The following PHACTR3 variants were observed in gnomAD, a reference collection of about 807,000 sequenced individuals.
The protein encoded by PHACTR3 is phosphatase and actin regulator 3.
PHACTR3 carries 16 observed loss-of-function variants against 66.8 expected under a neutral mutation model. The observed-to-expected ratio is 0.24, with a 90% CI of 0.16 to 0.36. The LOEUF (loss-of-function observed/expected upper bound fraction) is 0.36. Among genes scored for constraint, PHACTR3 ranks in the 10% least tolerant of loss-of-function variants. The probability of loss-of-function intolerance (pLI) is 1.00; values close to 1 mark genes in which losing one functional copy is unlikely to be tolerated. For synonymous variants in PHACTR3, 323 were observed against 292.1 expected (o/e 1.11, Z -1.08); for missense variants, 647 against 719.9 (o/e 0.90, Z 1.16).
At chr20:59,805,023 C>T (rs759908879) in intron 7 of PHACTR3, among the ~76,000 whole-genome samples, 1 of 152,184 alleles carries the variant, frequency 6.6e-6, no homozygotes, top group Admixed American at 6.5e-5. Flanking sequence ...CAACCTACAT[C>T]GCATGTAGAT....
At chr20:59,651,419 A>G (rs1262106003) in intron 1 of PHACTR3, among the ~76,000 whole-genome samples, 1 of 152,216 alleles carries the variant, frequency 6.6e-6, no homozygotes, top group African/African-American at 2.4e-5. Flanking sequence ...AAAATAGAAC[A>G]TTTAAAAATT....
intron 7 of PHACTR3, among the ~76,000 whole-genome samples, chr20:59,802,432 G>C (rs1176096335): frequency 6.6e-6 from 1 of 152,228 alleles, no homozygotes; most frequent in East Asian, 1.9e-4. Flanking sequence ...AGACCTGCAA[G>C]GAGAGAGAAG....
intron 1 of PHACTR3, among the ~76,000 whole-genome samples, chr20:59,739,568 C>T (rs767084749): frequency 7.9e-5 from 12 of 152,098 alleles, no homozygotes; most frequent in Admixed American, 1.3e-4. Context: ...AGGAGCCTCC[C>T]TTATAAAACC....
At chr20:59,752,593 A>AGTCCTTGCAGAAAACCTGCAAG (rs71183183) in intron 3 of PHACTR3, among the ~76,000 whole-genome samples, 2 of 152,164 alleles carry the variant, frequency 1.3e-5, no homozygotes, top group African/African-American at 2.4e-5. Flanking sequence ...ACCTGCAAGA[A>AGTCCTTGCAGAAAACCTGCAAG]AGCAGGGGAA....
At chr20:59,659,716 A>G (rs779036048) in intron 1 of PHACTR3, among the ~76,000 whole-genome samples, 15 of 152,116 alleles carry the variant, frequency 9.9e-5, no homozygotes, top group South Asian at 4.1e-4. Flanking sequence ...ATGTATTACC[A>G]GCTTCGAGTG....
chr20:59,657,459 T>C, intron 1 of PHACTR3, among the ~76,000 whole-genome samples: 1 of 152,096 alleles, frequency 6.6e-6, no homozygotes, highest in South Asian at 2.1e-4. Flanking sequence ...CCTCAAAACT[T>C]TCCTAGCTTT....
chr20:59,841,665 G>C (rs2059064277), intron 11 of PHACTR3, 130 bp downstream of exon 11: 1 of 949,600 alleles, frequency 1.1e-6, no homozygotes, highest in Non-Finnish European at 1.5e-6. Flanking sequence ...GTAAATATTG[G>C]TTTCTCAAAG....
intron 1 of PHACTR3, chr20:59,626,909 T>C (rs1388391423): frequency 6.6e-6 from 1 of 152,228 alleles, no homozygotes; most frequent in East Asian, 1.9e-4. Context: ...GAGCGCTGTA[T>C]TGGAGCAGGT....
Position 59,604,929 on chromosome 20 carries a change from C to T in PHACTR3, c.-86C>T. 1 of 1,219,542 alleles carries T rather than the reference C, an allele frequency of 8.2e-7. No individual in the cohort carries two copies. Among genetic ancestry groups the T allele is most frequent in the Middle Eastern group, 2.6e-4 (1 of 3,882 alleles). 75.5% of individuals were successfully genotyped at this position (1,219,542 alleles called of 1,614,324 possible). A position where few individuals can be genotyped will look rare whatever the true frequency, so the allele number is the denominator to read the frequency against. Reference sequence around the variant, plus strand: ...TTCTTTTTTAAAAAGACGCCCCCTCCAGCCCCCTCGCCGGTGACCTTGGCC... The same window carrying T: ...TTCTTTTTTAAAAAGACGCCCCCTCTAGCCCCCTCGCCGGTGACCTTGGCC... On this transcript the variant is annotated 5_prime_UTR_variant, in exon 1 of 13. Coordinates refer to ENST00000371015, the MANE Select transcript of PHACTR3 (RefSeq NM_080672.5).
intron 1 of PHACTR3, among the ~76,000 whole-genome samples, chr20:59,635,190 CTTTCTCTTTCT>C (rs2034842823): frequency 2.6e-5 from 1 of 38,974 alleles, no homozygotes; most frequent in Non-Finnish European, 5.2e-5. Flanking sequence ...TTCTTTCTTT[CTTTCTCTTTCT>C]TTCTTTCCTT....
At chr20:59,741,171 C>T (rs2039147306) in intron 1 of PHACTR3, among the ~76,000 whole-genome samples, 1 of 152,252 alleles carries the variant, frequency 6.6e-6, no homozygotes, top group South Asian at 2.1e-4. Flanking sequence ...GTCCATGCTT[C>T]CTGGGGCTCT....
chr20:59,669,043 C>T (rs1093266), intron 1 of PHACTR3, among the ~76,000 whole-genome samples: 21,719 of 152,014 alleles, frequency 0.14, 1,836 homozygotes, highest in East Asian at 0.25. Flanking sequence ...CCACTGCGCC[C>T]GGCCCAAAGC....
At chr20:59,729,456 C>T (rs2038688312) in intron 1 of PHACTR3, among the ~76,000 whole-genome samples, 1 of 152,146 alleles carries the variant, frequency 6.6e-6, no homozygotes, top group African/African-American at 2.4e-5. Context: ...TGGCCCAGAT[C>T]ACTCACTGGA....
At chr20:59,609,275 G>A (rs1170782748) in intron 1 of PHACTR3, among the ~76,000 whole-genome samples, 2 of 152,270 alleles carry the variant, frequency 1.3e-5, no homozygotes. Flanking sequence ...TCCCATGCTG[G>A]CCCCTTCCTC....
chr20:59,845,151 A>T, intron 11 of PHACTR3, 38 bp from the exon 12 acceptor site: 1 of 1,288,982 alleles, frequency 7.8e-7, no homozygotes, highest in Non-Finnish European at 1.1e-6. Flanking sequence ...TGATTTTTTT[A>T]ATATCCTGTA....
At chr20:59,725,184 C>A (rs542805752) in intron 1 of PHACTR3, among the ~76,000 whole-genome samples, 1 of 151,530 alleles carries the variant, frequency 6.6e-6, no homozygotes, top group South Asian at 2.1e-4. Flanking sequence ...AGGCTGTGAA[C>A]CCAGGTGTGC....
intron 1 of PHACTR3, among the ~76,000 whole-genome samples, chr20:59,634,394 GAAAA>G (rs1172810112): frequency 6.6e-6 from 1 of 152,174 alleles, no homozygotes; most frequent in Non-Finnish European, 1.5e-5. Flanking sequence ...GATTCAATGA[GAAAA>G]TGCAGGTAAA....
intron 1 of PHACTR3, among the ~76,000 whole-genome samples, chr20:59,726,033 T>C (rs2038549574): frequency 6.6e-6 from 1 of 152,196 alleles, no homozygotes; most frequent in Non-Finnish European, 1.5e-5. Context: ...TACCATGTGC[T>C]CCAGCACGAG....
In PHACTR3 at chr20:59,719,452, C is replaced by T. The variant is rs1178631366; in HGVS notation, c.119-23655C>T. Among the ~76,000 whole-genome samples the T allele has an allele frequency of 9.2e-5, 14 of 152,312 alleles. No individual in the cohort carries two copies. In the South Asian group the frequency reaches 1.0e-3, roughly 11 times the overall value. On this transcript the variant is annotated intron_variant, in intron 1 of 12. Coordinates refer to ENST00000371015, the MANE Select transcript of PHACTR3 (RefSeq NM_080672.5). ...TGTTGGGATTATAGGCATGAGCCAC[C>T]GCTCCCGGTCTCTTAGCTTATTCTT... is the stretch of plus-strand genomic sequence containing the variant.
Sources: gnomAD v4.1 joint callset for allele counts (sites outside exome capture counted in the v4.1 genomes callset) on GRCh38, gnomAD v4.1.1 for gene constraint, MANE v1.5 for transcripts, NCBI Gene and HGNC (gene_info 2026-07-23, HGNC 2026-07-21) for gene names.